TRPM3: variants seen among roughly 807,000 people sequenced by gnomAD.
The protein encoded by TRPM3 is long transient receptor potential channel 3.
TRPM3 carries 77 observed loss-of-function variants against 181.2 expected under a neutral mutation model. The ratio of observed to expected loss-of-function variants is 0.42; its 90% CI spans 0.35 to 0.51. The LOEUF (loss-of-function observed/expected upper bound fraction) is 0.51, where lower values mean the gene tolerates loss of function less well. Among genes scored for constraint, TRPM3 ranks in the 20% least tolerant of loss-of-function variants. TRPM3 has a pLI of 0.01. For synonymous variants in TRPM3, 745 were observed against 796.4 expected, an observed-to-expected ratio of 0.94 and a Z score of 1.09; for missense variants, 1,759 against 2,196.7, an observed-to-expected ratio of 0.80 and a Z score of 3.98.
chr9:71,268,176 T>C (rs1331847307), intron 1 of TRPM3, among the ~76,000 whole-genome samples: 1 of 151,450 alleles, frequency 6.6e-6, no homozygotes. Context: ...AGGTCAGGAG[T>C]TCAACGCCAG....
At chr9:71,388,734 A>T (rs2092988464) in intron 1 of TRPM3, among the ~76,000 whole-genome samples, 1 of 152,100 alleles carries the variant, frequency 6.6e-6, no homozygotes, top group Non-Finnish European at 1.5e-5. Flanking sequence ...GTCACTTAAA[A>T]CTCAACAACA....
At chr9:70,869,771 C>T (rs1478898756) in intron 1 of TRPM3, among the ~76,000 whole-genome samples, 2 of 152,020 alleles carry the variant, frequency 1.3e-5, no homozygotes, top group Non-Finnish European at 2.9e-5. Flanking sequence ...GCTGTGACCA[C>T]GGTGGCCTAT....
chr9:71,161,908 A>T (rs2076288570), intron 1 of TRPM3, among the ~76,000 whole-genome samples: 1 of 152,136 alleles, frequency 6.6e-6, no homozygotes, highest in South Asian at 2.1e-4. Context: ...AGTTTAATTA[A>T]AAGTAAATAG....
chr9:71,406,059 A>C (rs2093430492), intron 1 of TRPM3, among the ~76,000 whole-genome samples: 1 of 152,178 alleles, frequency 6.6e-6, no homozygotes, highest in Non-Finnish European at 1.5e-5. Context: ...GCAGATCACG[A>C]GGTCAAGAGA....
At chr9:71,034,507 T>G in intron 1 of TRPM3, among the ~76,000 whole-genome samples, 1 of 152,088 alleles carries the variant, frequency 6.6e-6, no homozygotes, top group Admixed American at 6.6e-5. Flanking sequence ...ATCTGAGATG[T>G]TAGAGGCATC....
chr9:71,144,601 C>A (rs996120078), intron 1 of TRPM3, among the ~76,000 whole-genome samples: 1 of 152,048 alleles, frequency 6.6e-6, no homozygotes, highest in Non-Finnish European at 1.5e-5. Context: ...CATGAGTTCC[C>A]TGGTAGGTTG....
chr9:71,226,671 T>C (rs773781982), intron 1 of TRPM3, among the ~76,000 whole-genome samples: 1 of 152,070 alleles, frequency 6.6e-6, no homozygotes, highest in Admixed American at 6.6e-5. Flanking sequence ...CAGATATATA[T>C]ATACACACAC....
chr9:71,289,110 A>T (rs2085553083), intron 1 of TRPM3, among the ~76,000 whole-genome samples: 1 of 152,096 alleles, frequency 6.6e-6, no homozygotes, highest in Admixed American at 6.6e-5. Context: ...CTCTGGAAGA[A>T]CACACTTTAA....
chr9:70,772,862 A>G (rs897375455), intron 7 of TRPM3, among the ~76,000 whole-genome samples: 2 of 152,226 alleles, frequency 1.3e-5, no homozygotes, highest in Non-Finnish European at 2.9e-5. Flanking sequence ...CTCTGCTGCC[A>G]ACATTGGAAG....
intron 1 of TRPM3, among the ~76,000 whole-genome samples, chr9:70,980,607 TCTGA>T (rs1480075795): frequency 2.6e-5 from 4 of 152,192 alleles, no homozygotes; most frequent in African/African-American, 9.7e-5. Flanking sequence ...CTCTACCCAA[TCTGA>T]CTGATTTACT....
At chr9:70,886,675 T>G (rs1310272746) in intron 1 of TRPM3, among the ~76,000 whole-genome samples, 1 of 152,240 alleles carries the variant, frequency 6.6e-6, no homozygotes, top group African/African-American at 2.4e-5. Flanking sequence ...TTTTTTTCTT[T>G]TTTTTTGAGA....
intron 1 of TRPM3, among the ~76,000 whole-genome samples, chr9:71,300,512 C>CT (rs200428173): frequency 0.011 from 1,687 of 149,524 alleles, 26 homozygotes; most frequent in East Asian, 0.076. Flanking sequence ...TGACATTAAA[C>CT]TTTTTTTTTT....
chr9:70,956,845 C>T (rs1021938570), intron 1 of TRPM3, among the ~76,000 whole-genome samples: 3 of 151,356 alleles, frequency 2.0e-5, no homozygotes, highest in African/African-American at 7.3e-5. Context: ...GTGATCACAC[C>T]AATGCACTCC....
intron 25 of TRPM3, among the ~76,000 whole-genome samples, chr9:70,538,875 A>G (rs1028213472): frequency 2.0e-5 from 3 of 152,254 alleles, no homozygotes; most frequent in Non-Finnish European, 4.4e-5. Flanking sequence ...GAGGCCACAT[A>G]TTAAAAATAA....
intron 1 of TRPM3, among the ~76,000 whole-genome samples, chr9:71,277,860 G>A (rs533025307): frequency 2.6e-5 from 4 of 151,972 alleles, no homozygotes; most frequent in African/African-American, 9.6e-5. Context: ...TGGGTTTCAG[G>A]AAAAGAGGAT....
intron 1 of TRPM3, among the ~76,000 whole-genome samples, chr9:71,342,656 C>A (rs559532811): frequency 6.6e-6 from 1 of 152,170 alleles, no homozygotes; most frequent in East Asian, 1.9e-4. Context: ...GACAATGCAG[C>A]AGTTTTTACA....
At chr9:70,697,714 C>T (rs17055668) in intron 8 of TRPM3, among the ~76,000 whole-genome samples, 1 of 152,154 alleles carries the variant, frequency 6.6e-6, no homozygotes, top group Non-Finnish European at 1.5e-5. Context: ...GTGGACCTCT[C>T]TGACTACTTG....
At chr9:71,067,159 T>G (rs1178122818) in intron 1 of TRPM3, among the ~76,000 whole-genome samples, 2 of 152,148 alleles carry the variant, frequency 1.3e-5, no homozygotes, top group Non-Finnish European at 2.9e-5. Context: ...TCAAGATGGC[T>G]TCAGACAAAA....
chr9:70,629,957 T>C (rs2065493496), intron 12 of TRPM3, among the ~76,000 whole-genome samples: 1 of 152,214 alleles, frequency 6.6e-6, no homozygotes, highest in South Asian at 2.1e-4. Context: ...CCCCTTGGGA[T>C]AGGTGTCCTG....
Sources: gnomAD v4.1 joint callset for allele counts (sites outside exome capture counted in the v4.1 genomes callset) on GRCh38, gnomAD v4.1.1 for gene constraint, MANE v1.5 for transcripts, NCBI Gene and HGNC (gene_info 2026-07-23, HGNC 2026-07-21) for gene names.